The following CREB5 variants were observed in gnomAD, a reference collection of about 807,000 sequenced individuals.
CREB5 encodes cyclic AMP-responsive element-binding protein 5.
In CREB5, 19 loss-of-function variants were observed where a neutral mutation model predicts 57.1. The ratio of observed to expected loss-of-function variants is 0.33; its 90% CI spans 0.23 to 0.49. The LOEUF is 0.49. Ranked by LOEUF, CREB5 falls within the 20% of genes least tolerant of loss-of-function variation. The pLI is 0.99. For missense variants in CREB5, 579 were observed against 671.6 expected, an observed-to-expected ratio of 0.86 and a Z score of 1.52; for synonymous variants, 238 against 238.3, an observed-to-expected ratio of 1.00 and a Z score of 0.01.
At chr7:28,819,044 A>G (rs1809606268) in intron 10 of CREB5, 72 bp from the exon 11 acceptor site, 2 of 1,503,416 alleles carry the variant, frequency 1.3e-6, no homozygotes, top group East Asian at 4.5e-5. Flanking sequence ...TGAGGAGTCC[A>G]CAAGTCCATA....
At position 28,818,192 on chromosome 7, in the gene CREB5, C is replaced by G. The variant is rs770714760; in HGVS notation, c.1363+13C>G. 13 of 1,585,130 alleles carry G rather than the reference C, an allele frequency of 8.2e-6. No homozygotes were observed. The South Asian group carries it at 1.5e-4, about 18-fold the overall frequency. ...CAAGGATATCTAAGTAAGTCGCCGA[C>G]TTTTTCACTTTTCTTTAGTGTCCAA... On this transcript the variant is annotated intron_variant, in intron 10 of 10. Coordinates refer to ENST00000357727, the MANE Select transcript of CREB5 (RefSeq NM_182898.4).
chr7:28,399,304 G>T (rs1364941446), intron 1 of CREB5, among the ~76,000 whole-genome samples: 1 of 150,296 alleles, frequency 6.7e-6, no homozygotes, highest in Non-Finnish European at 1.5e-5. Flanking sequence ...TACAAAATAA[G>T]TGATAGGAAA....
intron 1 of CREB5, among the ~76,000 whole-genome samples, chr7:28,484,538 C>T (rs77109504): frequency 0.014 from 2,100 of 152,212 alleles, 31 homozygotes; most frequent in East Asian, 0.036. Flanking sequence ...AAATACACAC[C>T]CACTCACTTC....
At chr7:28,374,345 C>A (rs1331648262) in intron 1 of CREB5, among the ~76,000 whole-genome samples, 1 of 152,180 alleles carries the variant, frequency 6.6e-6, no homozygotes, top group African/African-American at 2.4e-5. Context: ...TATGACCTAG[C>A]AACTTCATTC....
rs1346380726 is a variant in CREB5, at chr7:28,811,257, G to T, written c.1254+1843G>T. ...TGGAGTGTCTAAGAATTGGCTGCTTGACCACTTGGCAAGGATGTGATTGCA... is the reference window on the plus strand; with the variant it reads ...TGGAGTGTCTAAGAATTGGCTGCTTTACCACTTGGCAAGGATGTGATTGCA... On this transcript the variant is annotated intron_variant, in intron 9 of 10. Transcript: ENST00000357727. 2.0e-5 allele frequency among the ~76,000 whole-genome samples: 3 copies of T among 152,304 alleles called. No homozygotes were observed. In the East Asian group the frequency reaches 5.8e-4, roughly 29 times the overall value.
At chr7:28,755,317 G>A (rs183175832) in intron 7 of CREB5, among the ~76,000 whole-genome samples, 165 of 152,328 alleles carry the variant, frequency 1.1e-3, no homozygotes, top group Non-Finnish European at 2.0e-3. Context: ...TATTGGTGCC[G>A]TATTTATAAC....
chr7:28,560,875 C>CGCGTGCATGCGCGTGTGT (rs1795127001), intron 4 of CREB5, among the ~76,000 whole-genome samples: 1 of 19,220 alleles, frequency 5.2e-5, no homozygotes, highest in African/African-American at 1.8e-4. Flanking sequence ...CCTGCGTGCG[C>CGCGTGCATGCGCGTGTGT]GTGCGTGCGT....
At chr7:28,405,525 A>G (rs187286834) in intron 1 of CREB5, among the ~76,000 whole-genome samples, 1 of 152,176 alleles carries the variant, frequency 6.6e-6, no homozygotes, top group Non-Finnish European at 1.5e-5. Context: ...CAATCCTTCC[A>G]TCTCAGCCTC....
intron 5 of CREB5, among the ~76,000 whole-genome samples, chr7:28,603,157 C>T (rs774570727): frequency 5.3e-5 from 8 of 152,168 alleles, no homozygotes; most frequent in Admixed American, 6.5e-5. Context: ...ATGATAATCA[C>T]TCAAAAGATG....
At chr7:28,368,483 C>T (rs534769901) in intron 1 of CREB5, among the ~76,000 whole-genome samples, 1 of 152,256 alleles carries the variant, frequency 6.6e-6, no homozygotes, top group East Asian at 1.9e-4. Flanking sequence ...TTTCTGATTC[C>T]ACTTTCATGT....
At chr7:28,490,759 G>T (rs748946237) in intron 2 of CREB5, among the ~76,000 whole-genome samples, 2 of 152,208 alleles carry the variant, frequency 1.3e-5, no homozygotes, top group Non-Finnish European at 2.9e-5. Context: ...GGCCCACATT[G>T]CCCCTGGTTG....
chr7:28,401,404 T>G (rs986215353), intron 1 of CREB5, among the ~76,000 whole-genome samples: 4 of 151,884 alleles, frequency 2.6e-5, no homozygotes, highest in Non-Finnish European at 5.9e-5. Flanking sequence ...TTTAATTAAT[T>G]AATTTTTTTA....
At chr7:28,542,796 C>G (rs1301554577) in intron 4 of CREB5, among the ~76,000 whole-genome samples, 1 of 152,052 alleles carries the variant, frequency 6.6e-6, no homozygotes, top group Non-Finnish European at 1.5e-5. Flanking sequence ...CACCATAACA[C>G]CAAGATGGAA....
intron 1 of CREB5, among the ~76,000 whole-genome samples, chr7:28,366,390 G>C (rs1786587098): frequency 1.3e-5 from 2 of 152,146 alleles, no homozygotes; most frequent in South Asian, 4.1e-4. Flanking sequence ...CTTAGGACAT[G>C]GCTAGGATGT....
chr7:28,717,923 A>C (rs1002795960), intron 5 of CREB5, among the ~76,000 whole-genome samples: 1 of 152,248 alleles, frequency 6.6e-6, no homozygotes, highest in Non-Finnish European at 1.5e-5. Flanking sequence ...TTTAATAAAC[A>C]CAAATAATTC....
intron 1 of CREB5, among the ~76,000 whole-genome samples, chr7:28,484,379 T>C (rs1428310970): frequency 6.6e-6 from 1 of 152,092 alleles, no homozygotes; most frequent in Non-Finnish European, 1.5e-5. Flanking sequence ...ATAAAAGTAA[T>C]AAAGCCTACA....
At chr7:28,624,673 C>G (rs1328370492) in intron 5 of CREB5, among the ~76,000 whole-genome samples, 1 of 93,208 alleles carries the variant, frequency 1.1e-5, no homozygotes, top group Non-Finnish European at 2.0e-5. Flanking sequence ...CGCCAACAGA[C>G]GTGAAAAAAA....
chr7:28,553,767 G>A (rs1308567815), intron 4 of CREB5, among the ~76,000 whole-genome samples: 1 of 152,170 alleles, frequency 6.6e-6, no homozygotes, highest in African/African-American at 2.4e-5. Context: ...TTGTTCTTAG[G>A]AAAATACGTT....
chr7:28,589,794 CA>C (rs896176114), intron 5 of CREB5, among the ~76,000 whole-genome samples: 5 of 68,862 alleles, frequency 7.3e-5, no homozygotes, highest in Non-Finnish European at 1.3e-4. Flanking sequence ...TTTTTCTCTG[CA>C]TTAGGAGTAT....
Sources: gnomAD v4.1 joint callset for allele counts (sites outside exome capture counted in the v4.1 genomes callset) on GRCh38, gnomAD v4.1.1 for gene constraint, MANE v1.5 for transcripts, NCBI Gene and HGNC (gene_info 2026-07-23, HGNC 2026-07-21) for gene names.